The following USP50 variants were observed in gnomAD, a reference collection of about 807,000 sequenced individuals.
The protein encoded by USP50 is ubiquitin carboxyl-terminal hydrolase 50.
Under a neutral mutation model 39.2 loss-of-function variants are expected in USP50, and 37 were observed. That is an observed-to-expected ratio of 0.94 (90% CI 0.73 to 1.24). USP50 has a LOEUF of 1.24. Among genes scored for constraint, USP50 ranks in the 50% most tolerant of loss-of-function variants. USP50 has a pLI of 0.00. For missense variants in USP50, 374 were observed against 398.2 expected (o/e 0.94, Z 0.52); for synonymous variants, 139 against 144.5 (o/e 0.96, Z 0.27).
At position 50,546,585 on chromosome 15, in the gene USP50, C is replaced by A. The variant is rs2053072998; in HGVS notation, c.-60G>T. ...CAGGAGCTACATCTATTCCTTTCAA[C>A]TTCATTTCTCTGAGCCTGTTAACGC... On this transcript the variant is annotated 5_prime_UTR_variant, in exon 1 of 7. Coordinates refer to ENST00000532404, the MANE Select transcript of USP50 (RefSeq NM_203494.5). 1.3e-6 allele frequency: 2 copies of A among 1,583,630 alleles called. No homozygotes were observed. Among genetic ancestry groups the A allele is most frequent in the Admixed American group, 1.7e-5 (1 of 59,876 alleles).
At chr15:50,523,135 A>AAAGTTG (rs2052863006) in intron 6 of USP50, among the ~76,000 whole-genome samples, 1 of 151,554 alleles carries the variant, frequency 6.6e-6, no homozygotes, top group Admixed American at 6.6e-5. Context: ...TGAATTCCAT[A>AAAGTTG]AAGTTGCAGG....
At chr15:50,539,372 T>A (rs571276144) in intron 4 of USP50, among the ~76,000 whole-genome samples, 1 of 148,840 alleles carries the variant, frequency 6.7e-6, no homozygotes, top group East Asian at 2.0e-4. Flanking sequence ...AGCCTATACA[T>A]CAGCATTTTA....
At chr15:50,541,426 T>G (rs2053029370) in intron 3 of USP50, among the ~76,000 whole-genome samples, 162 bp from the exon 4 acceptor site, 1 of 151,882 alleles carries the variant, frequency 6.6e-6, no homozygotes, top group Non-Finnish European at 1.5e-5. Flanking sequence ...GGTTGGAGGA[T>G]CAGTTGAGCC....
rs142005018 is a variant in USP50 at position 50,519,932 on chromosome 15, C to T, written c.936+9865G>A. 2.6e-3 allele frequency among the ~76,000 whole-genome samples: 403 copies of T among 152,192 alleles called. 1 individual carries two copies. The highest frequency in any genetic ancestry group is 9.2e-3 in the African/African-American group (384 of 41,544). On this transcript the variant is annotated intron_variant, in intron 6 of 6. Coordinates refer to ENST00000532404, the MANE Select transcript of USP50 (RefSeq NM_203494.5). ...TATGATCCAGCAATCCACTACTGGG[C>T]ATTTATCCAAGGGAAAGAAAATCAT...
intron 3 of USP50, among the ~76,000 whole-genome samples, chr15:50,542,251 G>A (rs1157459409): frequency 6.6e-6 from 1 of 152,000 alleles, no homozygotes; most frequent in Non-Finnish European, 1.5e-5. Flanking sequence ...ATTTGGGGCT[G>A]TGCTCAGCAT....
At position 50,543,715 on chromosome 15, in the gene USP50, T is replaced by C. The variant is rs774830727; in HGVS notation, c.327A>G (p.Pro109=). 6.2e-7 allele frequency: 1 copy of C among 1,611,906 alleles called. No homozygotes were observed. Among genetic ancestry groups the C allele is most frequent in the East Asian group, 2.2e-5 (1 of 44,854 alleles). The stretch of plus-strand genomic sequence containing the variant: ...TGCCAAGAGCTGACCAGAATATTTC[T>C]GGTGAGACACAGTCTGAGTCTCCCA... ...MWLGDSDCVS[P]EIFWSALGNL... Residue 109 remains proline (P), a synonymous_variant, in exon 3 of 7, where the codon CCA becomes CCG. Coordinates refer to ENST00000532404, the MANE Select transcript of USP50 (RefSeq NM_203494.5).
At chr15:50,532,722 G>C (rs2052950567) in intron 5 of USP50, among the ~76,000 whole-genome samples, 1 of 152,120 alleles carries the variant, frequency 6.6e-6, no homozygotes, top group South Asian at 2.1e-4. Flanking sequence ...ACACACTAAG[G>C]GTTCTAACGA....
chr15:50,534,806 T>G (rs1006656020), intron 5 of USP50, among the ~76,000 whole-genome samples: 6 of 152,118 alleles, frequency 3.9e-5, no homozygotes, highest in African/African-American at 1.4e-4. Context: ...ACATAGAAAT[T>G]ATTAACATAT....
Position 50,500,684 on chromosome 15 carries a change from G to T in USP50, c.*85C>A. The T allele has an allele frequency of 1.5e-6, 2 of 1,324,426 alleles. No individual in the cohort carries two copies. Among genetic ancestry groups the T allele is most frequent in the Non-Finnish European group, 2.1e-6 (2 of 942,850 alleles). The allele number at this position is 1,324,426 out of a possible 1,614,324, so 82.0% of individuals were successfully genotyped here. A position where few individuals can be genotyped will look rare whatever the true frequency, so the allele number is the denominator to read the frequency against. ...CGCTTTTGTATTGGTATGGAAAAGG[G>T]CTGGCAGCTATAGAACAGGAGATCC... On this transcript the variant is annotated 3_prime_UTR_variant, in exon 7 of 7. Transcript: ENST00000532404.
At chr15:50,493,280 G>T (rs1031625895), downstream of USP50, 26 of 513,984 alleles carry the variant, frequency 5.1e-5, no homozygotes, top group African/African-American at 9.6e-5. Context: ...CCTGAATTTT[G>T]GAATATTTGA....
At chr15:50,545,868 G>C (rs1379474881) in intron 1 of USP50, among the ~76,000 whole-genome samples, 1 of 151,532 alleles carries the variant, frequency 6.6e-6, no homozygotes, top group Admixed American at 6.6e-5. Flanking sequence ...ATGGTTGTGA[G>C]GATTATGCAG....
downstream of USP50, chr15:50,495,713 CAGTG>C (rs1474434736): frequency 4.4e-5 from 29 of 662,090 alleles, no homozygotes; most frequent in African/African-American, 3.8e-4. Flanking sequence ...TTGCCACACT[CAGTG>C]AGATCAGAAC....
chr15:50,501,271 G>T (rs2141337509), intron 6 of USP50: 1 of 151,790 alleles, frequency 6.6e-6, no homozygotes, highest in East Asian at 1.9e-4. Flanking sequence ...ACCAGCCTGG[G>T]CAAAATAGCG....
At position 50,515,749 on chromosome 15, in the gene USP50, G is replaced by A. The variant is rs145082078; in HGVS notation, c.936+14048C>T. Among the ~76,000 whole-genome samples the A allele has an allele frequency of 2.0e-3, 299 of 152,012 alleles. 1 individual carries two copies. The highest frequency in any genetic ancestry group is 5.1e-3 in the Admixed American group (78 of 15,268). ...TTTACTGCATTAATAGATTAAAGGA[G>A]AGATTTAGGACTGTAGTTCTCTTGT... On this transcript the variant is annotated intron_variant, in intron 6 of 6. Transcript: ENST00000532404.
chr15:50,513,518 T>TAAAAAAAAAAAAAAAAAAAAAA (rs35523535), intron 6 of USP50: 1 of 85,980 alleles, frequency 1.2e-5, no homozygotes. Flanking sequence ...CGAAACTGTC[T>TAAAAAAAAAAAAAAAAAAAAAA]AAAAAAAAAA....
At chr15:50,525,608 ATATATGTATATATG>A (rs1566907625) in intron 6 of USP50, among the ~76,000 whole-genome samples, 27 of 129,574 alleles carry the variant, frequency 2.1e-4, no homozygotes, top group South Asian at 9.1e-4. Flanking sequence ...ATGTATATGT[ATATATGTATATATG>A]TATATGTATA....
In USP50 at chr15:50,546,460, G is replaced by T. The variant is rs771952885; in HGVS notation, c.53+13C>A. On this transcript the variant is annotated intron_variant, in intron 1 of 6. Transcript: ENST00000532404. ...TGGGCTAATCTAGAAAGCTGTAGTA[G>T]ATCAAGGCTCACAGGACGTGGTAGA... 2 of 1,613,326 alleles carry T rather than the reference G, an allele frequency of 1.2e-6. No individual in the cohort carries two copies. The highest frequency in any genetic ancestry group is 8.5e-7 in the Non-Finnish European group (1 of 1,179,410).
intron 6 of USP50, chr15:50,503,895 C>G (rs2052623536): frequency 6.6e-6 from 1 of 152,110 alleles, no homozygotes; most frequent in Admixed American, 6.5e-5. Flanking sequence ...AAGATTTAAA[C>G]CCCCAAGGAC....
At chr15:50,515,284 C>T (rs193123112) in intron 6 of USP50, among the ~76,000 whole-genome samples, 3 of 152,266 alleles carry the variant, frequency 2.0e-5, no homozygotes, top group Admixed American at 2.0e-4. Context: ...CTCTGTCGCC[C>T]AGGCTGGAGT....
Sources: allele counts gnomAD v4.1 joint callset (sites outside exome capture counted in the v4.1 genomes callset), GRCh38; gene constraint gnomAD v4.1.1; transcripts MANE v1.5; gene names NCBI Gene and HGNC (gene_info 2026-07-23, HGNC 2026-07-21).